PYCR3: variants seen among roughly 807,000 people sequenced by gnomAD.
The protein encoded by PYCR3 is P5C reductase 3.
PYCR3 carries 26 observed loss-of-function variants against 23.4 expected under a neutral mutation model. The ratio of observed to expected loss-of-function variants is 1.11; its 90% confidence interval spans 0.81 to 1.54. PYCR3 has a LOEUF of 1.54. PYCR3 is among the 40% of genes most tolerant of loss of function. PYCR3 has a pLI of 0.00. For missense variants in PYCR3, 360 were observed against 376.3 expected (o/e 0.96, Z 0.36); for synonymous variants, 194 against 162.6 (o/e 1.19, Z -1.47).
chr8:143,605,981 C>G (rs567807481), intron 5 of PYCR3, 81 bp downstream of exon 5: 9 of 1,557,824 alleles, frequency 5.8e-6, no homozygotes, highest in Non-Finnish European at 7.9e-6. Flanking sequence ...CCCAGCTTCT[C>G]GAGCCTGCTG....
At chr8:143,607,968 C>T (rs1197612690) in intron 2 of PYCR3, 94 bp downstream of exon 2, 3 of 956,320 alleles carry the variant, frequency 3.1e-6, no homozygotes, top group Non-Finnish European at 5.0e-6. Context: ...AAATAAACCA[C>T]CCATCCCTGG....
rs932107239 is a variant in PYCR3, at chr8:143,605,079, C to T, written c.*621G>A. ...CGCAGACCTGGCCCAGCAGCTCCTG[C>T]TCCTTAGCAGGGGATGAGCACGCCC... On this transcript the variant is annotated 3_prime_UTR_variant, in exon 6 of 6. Transcript: ENST00000495276. The T allele has an allele frequency of 2.6e-6, 1 of 388,916 alleles. No homozygotes were observed. Among genetic ancestry groups the T allele is most frequent in the African/African-American group, 2.1e-5 (1 of 47,638 alleles). 24.1% of individuals were successfully genotyped at this position (388,916 alleles called of 1,614,324 possible). A position where few individuals can be genotyped will look rare whatever the true frequency, so the allele number is the denominator to read the frequency against.
chr8:143,605,623 G>A lies in PYCR3; in HGVS notation c.*77C>T. ...TAGGAGACCCTCATGCAGGAGGGAG[G>A]GAGCCGCAGTCCTCAGGGGAAGGGA... On this transcript the variant is annotated 3_prime_UTR_variant, in exon 6 of 6. Transcript: ENST00000495276. The A allele has an allele frequency of 7.6e-7, 1 of 1,319,516 alleles. No homozygotes were observed. The highest frequency in any genetic ancestry group is 2.4e-5 in the East Asian group (1 of 40,998). 81.7% of individuals were successfully genotyped at this position (1,319,516 alleles called of 1,614,324 possible). A position where few individuals can be genotyped will look rare whatever the true frequency, so the allele number is the denominator to read the frequency against.
Position 143,605,667 on chromosome 8 carries a change from C to T in PYCR3, c.*33G>A. On this transcript the variant is annotated 3_prime_UTR_variant, in exon 6 of 6. Coordinates refer to ENST00000495276, the MANE Select transcript of PYCR3 (RefSeq NM_023078.6). The stretch of plus-strand genomic sequence containing the variant: ...GAAGGGACACAGGGAGAGGCAGGGG[C>T]ACAGAGGCAGGAAAGGATGGCCAGA... The T allele has an allele frequency of 6.4e-7, 1 of 1,564,906 alleles. No homozygotes were observed. The highest frequency in any genetic ancestry group is 8.7e-7 in the Non-Finnish European group (1 of 1,148,676).
intron 2 of PYCR3, among the ~76,000 whole-genome samples, chr8:143,607,816 C>G (rs941631113): frequency 6.6e-6 from 1 of 152,166 alleles, no homozygotes; most frequent in Non-Finnish European, 1.5e-5. Flanking sequence ...CGTGCATATA[C>G]ACACACTCAC....
intron 2 of PYCR3, 34 bp from the exon 3 acceptor site, chr8:143,607,166 G>C: frequency 6.7e-7 from 1 of 1,501,044 alleles, no homozygotes; most frequent in Non-Finnish European, 8.9e-7. Context: ...AGCCTCAGGG[G>C]CCATGTAAGC....
At position 143,605,523 on chromosome 8, in the gene PYCR3, T is replaced by G. The variant is rs531141721; in HGVS notation, c.*177A>C. 7.0e-5 allele frequency: 43 copies of G among 614,398 alleles called. No individual in the cohort carries two copies. The highest frequency in any genetic ancestry group is 1.1e-4 in the Non-Finnish European group (38 of 357,528). The allele number at this position is 614,398 out of a possible 1,614,324, so 38.1% of individuals were successfully genotyped here. A position where few individuals can be genotyped will look rare whatever the true frequency, so the allele number is the denominator to read the frequency against. On this transcript the variant is annotated 3_prime_UTR_variant, in exon 6 of 6. Transcript: ENST00000495276. ...GGGGAGGGAGGAGTGTCCCCACTGG[T>G]CGGGGCTCCCCCGCCTGCTGGAACC...
rs917014839 is a variant in PYCR3, at chr8:143,605,229, G to A, written c.*471C>T. 3.5e-5 allele frequency: 11 copies of A among 310,106 alleles called. No individual in the cohort carries two copies. The highest frequency in any genetic ancestry group is 2.4e-4 in the Admixed American group (5 of 21,048). The allele number at this position is 310,106 out of a possible 1,614,324, so 19.2% of individuals were successfully genotyped here. A position where few individuals can be genotyped will look rare whatever the true frequency, so the allele number is the denominator to read the frequency against. On this transcript the variant is annotated 3_prime_UTR_variant, in exon 6 of 6. Coordinates refer to ENST00000495276, the MANE Select transcript of PYCR3 (RefSeq NM_023078.6). Reference sequence around the variant, plus strand: ...CTCTTGTGCAGACCCCATATGGCTCGTGCCCCCTAGAGCTGAGATGAGGCA... The same window carrying A: ...CTCTTGTGCAGACCCCATATGGCTCATGCCCCCTAGAGCTGAGATGAGGCA...
At position 143,603,411 on chromosome 8, in the gene PYCR3, G is replaced by T. The variant is rs1829303740; in HGVS notation, c.*2289C>A. On this transcript the variant is annotated 3_prime_UTR_variant, in exon 6 of 6. Transcript: ENST00000495276. ...GAAGTAGAAGGCACAGGGGAGGCCT[G>T]GCTCACCACAACGCTCCCTGCCGTG... Among the ~76,000 whole-genome samples the T allele has an allele frequency of 6.6e-6, 1 of 152,178 alleles. No homozygotes were observed. Among genetic ancestry groups the T allele is most frequent in the Non-Finnish European group, 1.5e-5 (1 of 68,038 alleles).
At chr8:143,606,020 C>A (rs368729774) in intron 5 of PYCR3, 42 bp downstream of exon 5, 12 of 1,584,016 alleles carry the variant, frequency 7.6e-6, no homozygotes, top group Middle Eastern at 1.8e-4. Context: ...GAGGTACAGG[C>A]CTGGGCCTTC....
intron 2 of PYCR3, 43 bp downstream of exon 2, chr8:143,608,019 C>G: frequency 1.4e-6 from 2 of 1,458,312 alleles, no homozygotes; most frequent in South Asian, 1.1e-5. Flanking sequence ...CAAGAGCTAT[C>G]CTGGGCTCCT....
rs765538291 is a variant in PYCR3 at position 143,608,082 on chromosome 8, T to C, written c.136A>G (p.Arg46Gly). 1.7e-5 allele frequency: 27 copies of C among 1,613,696 alleles called. No individual in the cohort carries two copies. Among genetic ancestry groups the C allele is most frequent in the South Asian group, 2.2e-5 (2 of 91,084 alleles). Residue 46 changes from arginine (R) to glycine (G), a missense_variant, in exon 2 of 6, where the codon AGG becomes GGG. Coordinates refer to ENST00000495276, the MANE Select transcript of PYCR3 (RefSeq NM_023078.6). ...CTCACTTGAAAGTGACATAGGTTCC[T>C]GTCTGTTGGTGCACTGGCCAGTATG... ...QHILASAPTD[R>G]NLCHFQALGC... is the part of the protein sequence containing the mutation.
At position 143,604,305 on chromosome 8, in the gene PYCR3, C is replaced by A. The variant is rs1266164650; in HGVS notation, c.*1395G>T. On this transcript the variant is annotated 3_prime_UTR_variant, in exon 6 of 6. Coordinates refer to ENST00000495276, the MANE Select transcript of PYCR3 (RefSeq NM_023078.6). ...GACAAGTGCCAGGGCCAGGCTTGGACCAAGCAGTCAACTGAGTCAGCCTGC... is the reference window on the plus strand; with the variant it reads ...GACAAGTGCCAGGGCCAGGCTTGGAACAAGCAGTCAACTGAGTCAGCCTGC... 6.5e-6 allele frequency: 1 copy of A among 153,704 alleles called. No individual in the cohort carries two copies. Among genetic ancestry groups the A allele is most frequent in the African/African-American group, 2.4e-5 (1 of 41,408 alleles). 9.5% of individuals were successfully genotyped at this position (153,704 alleles called of 1,614,324 possible).
rs2066946837 is a variant in PYCR3, at chr8:143,604,793, G to A, written c.*907C>T. On this transcript the variant is annotated 3_prime_UTR_variant, in exon 6 of 6. Transcript: ENST00000495276. Reference sequence around the variant, plus strand: ...ACCTGCCGTCCGTTAGGGACAGGTGGAGGGGCCAAGTCTTGCCATCAGAGG... The same window carrying A: ...ACCTGCCGTCCGTTAGGGACAGGTGAAGGGGCCAAGTCTTGCCATCAGAGG... 2 of 436,458 alleles carry A rather than the reference G, an allele frequency of 4.6e-6. No homozygotes were observed. The highest frequency in any genetic ancestry group is 4.4e-4 in the Middle Eastern group (1 of 2,260). 27.0% of individuals were successfully genotyped at this position (436,458 alleles called of 1,614,324 possible). A position where few individuals can be genotyped will look rare whatever the true frequency, so the allele number is the denominator to read the frequency against.
intron 2 of PYCR3, among the ~76,000 whole-genome samples, 157 bp downstream of exon 2, chr8:143,607,905 G>A (rs1235222237): frequency 1.3e-5 from 2 of 152,052 alleles, no homozygotes; most frequent in African/African-American, 4.8e-5. Context: ...TTTCCTCCTG[G>A]CCTCTAATCT....
At chr8:143,608,375 G>C in intron 1 of PYCR3, 1 of 538,774 alleles carries the variant, frequency 1.9e-6, no homozygotes, top group Middle Eastern at 5.0e-4. Context: ...TACCTCATTG[G>C]TGAGGACACA....
At position 143,605,541 on chromosome 8, in the gene PYCR3, C is replaced by G. The variant is rs893958241; in HGVS notation, c.*159G>C. 8 of 704,660 alleles carry G rather than the reference C, an allele frequency of 1.1e-5. No homozygotes were observed. Among genetic ancestry groups the G allele is most frequent in the Non-Finnish European group, 1.8e-5 (8 of 436,900 alleles). 43.7% of individuals were successfully genotyped at this position (704,660 alleles called of 1,614,324 possible). A position where few individuals can be genotyped will look rare whatever the true frequency, so the allele number is the denominator to read the frequency against. Reference sequence around the variant, plus strand: ...CCACTGGTCGGGGCTCCCCCGCCTGCTGGAACCTCCCAAGTCCTGCCCCCT... The same window carrying G: ...CCACTGGTCGGGGCTCCCCCGCCTGGTGGAACCTCCCAAGTCCTGCCCCCT... On this transcript the variant is annotated 3_prime_UTR_variant, in exon 6 of 6. Transcript: ENST00000495276.
At position 143,606,354 on chromosome 8, in the gene PYCR3, A is replaced by T. The variant is rs1431212376; in HGVS notation, c.549+113T>A. The T allele has an allele frequency of 3.2e-6, 4 of 1,235,616 alleles. No homozygotes were observed. The Admixed American group carries it at 7.5e-5, about 23-fold the overall frequency. 76.5% of individuals were successfully genotyped at this position (1,235,616 alleles called of 1,614,324 possible). On this transcript the variant is annotated intron_variant, in intron 4 of 5. Transcript: ENST00000495276. ...AGCAGAGCTCCCAGTGGGCCTGGGG[A>T]GCAACCACGCAGGCCTCAAGGTTGG... is the stretch of plus-strand genomic sequence containing the variant.
chr8:143,605,884 T>C lies in PYCR3; in HGVS notation c.643-2A>G. 1 of 1,601,982 alleles carries C rather than the reference T, an allele frequency of 6.2e-7. No homozygotes were observed. Among genetic ancestry groups the C allele is most frequent in the Non-Finnish European group, 8.5e-7 (1 of 1,172,922 alleles). Reference sequence around the variant, plus strand: ...GTGCAGCAGCATCTTGGCCGTCCCCTGAGGAGAGCGTTAGGGCCTGGTGAC... The same window carrying C: ...GTGCAGCAGCATCTTGGCCGTCCCCCGAGGAGAGCGTTAGGGCCTGGTGAC... On this transcript the variant is annotated splice_acceptor_variant, in intron 5 of 5. Transcript: ENST00000495276. LOFTEE classifies it high-confidence loss of function.
Sources: allele counts gnomAD v4.1 joint callset (sites outside exome capture counted in the v4.1 genomes callset), GRCh38; gene constraint gnomAD v4.1.1; transcripts MANE v1.5; gene names NCBI Gene and HGNC (gene_info 2026-07-23, HGNC 2026-07-21).